BACE1: variants seen among roughly 807,000 people sequenced by gnomAD.
BACE1 encodes the protein APP beta-secretase.
BACE1 carries 21 observed loss-of-function variants against 54.0 expected under a neutral mutation model. The observed-to-expected ratio is 0.39, with a 90% CI of 0.28 to 0.56. The LOEUF (loss-of-function observed/expected upper bound fraction) is 0.56. Among genes scored for constraint, BACE1 ranks in the 20% least tolerant of loss-of-function variants. The pLI, the probability that BACE1 is intolerant of heterozygous loss-of-function variation, is 0.63. For missense variants in BACE1, 511 were observed against 661.2 expected (o/e 0.77, Z 2.49); for synonymous variants, 232 against 260.9 (o/e 0.89, Z 1.07).
chr11:117,315,857 G>T lies in BACE1; in HGVS notation c.-62C>A, dbSNP rs918365873. 19 of 1,366,806 alleles carry T rather than the reference G, an allele frequency of 1.4e-5. No homozygotes were observed. The highest frequency in any genetic ancestry group is 1.6e-5 in the Non-Finnish European group (17 of 1,067,122). 84.7% of individuals were successfully genotyped at this position (1,366,806 alleles called of 1,614,324 possible). A position where few individuals can be genotyped will look rare whatever the true frequency, so the allele number is the denominator to read the frequency against. ...TGGCCCACGTCCGTCCCTGGCGCCT[G>T]CCCCCAAGTCTGGGTGGTGCTGGTG... is the stretch of plus-strand genomic sequence containing the variant. On this transcript the variant is annotated 5_prime_UTR_variant, in exon 1 of 9. Coordinates refer to ENST00000313005, the MANE Select transcript of BACE1 (RefSeq NM_012104.6). This position sits in a 1 kb window ranked among gnomAD's most constrained non-coding sequence, Gnocchi z 5.5.
chr11:117,297,833 A>G (rs2034639261), intron 1 of BACE1, among the ~76,000 whole-genome samples: 1 of 152,254 alleles, frequency 6.6e-6, no homozygotes, highest in Non-Finnish European at 1.5e-5. Context: ...CCTCAGAGAA[A>G]GCCAGGTTGC....
In BACE1 at chr11:117,291,011, C is replaced by T; in HGVS notation, c.981G>A (p.Gln327=). 6.2e-7 allele frequency: 1 copy of T among 1,614,198 alleles called. No individual in the cohort carries two copies. The highest frequency in any genetic ancestry group is 1.1e-5 in the South Asian group (1 of 91,088). The part of the protein sequence containing the change: ...KFPDGFWLGE[Q]LVCWQAGTTP... ...TGGTGCCTGCTTGCCAGCACACCAG[C>T]TGCTCTCCTAGCCAGAAACCATCAG... Residue 327 remains glutamine (Q), a synonymous_variant, in exon 7 of 9, where the codon CAG becomes CAA. Transcript: ENST00000313005.
intron 3 of BACE1, among the ~76,000 whole-genome samples, chr11:117,294,866 CAA>C (rs1210779809): frequency 6.0e-5 from 9 of 150,846 alleles, no homozygotes; most frequent in Admixed American, 5.3e-4. Context: ...GCTTGGGCAA[CAA>C]GAGTGAAACT....
rs377048251 is a variant in BACE1, at chr11:117,289,596, G to A, written c.1476C>T (p.Asp492=). 1.5e-5 allele frequency: 25 copies of A among 1,614,106 alleles called. No homozygotes were observed. The highest frequency in any genetic ancestry group is 2.1e-5 in the Non-Finnish European group (25 of 1,180,050). ...CLRCLRQQHD[D]FADDISLLK ...TCAGCAGGGAGATGTCATCAGCAAA[G>A]TCATCATGCTGCTGGCGCAGGCAGC... The change falls in exon 9 of 9, where the codon GAC becomes GAT. Residue 492 remains aspartate (D), a synonymous_variant. Coordinates refer to ENST00000313005, the MANE Select transcript of BACE1 (RefSeq NM_012104.6).
In BACE1 at chr11:117,288,228, T is replaced by C. The variant is rs977241456; in HGVS notation, c.*1338A>G. 6.6e-5 allele frequency: 10 copies of C among 152,286 alleles called. No homozygotes were observed. The highest frequency in any genetic ancestry group is 2.4e-4 in the African/African-American group (10 of 41,460). The allele number at this position is 152,286 out of a possible 1,614,324, so 9.4% of individuals were successfully genotyped here. On this transcript the variant is annotated 3_prime_UTR_variant, in exon 9 of 9. Coordinates refer to ENST00000313005, the MANE Select transcript of BACE1 (RefSeq NM_012104.6). ...CCATCCTTTCTCCAGGCAGCCTTGA[T>C]ACTGAAGGCAGTAATGTTAGAGCCA...
At chr11:117,304,374 G>T (rs991201330) in intron 1 of BACE1, among the ~76,000 whole-genome samples, 146 of 152,320 alleles carry the variant, frequency 9.6e-4, no homozygotes, top group African/African-American at 3.3e-3. Context: ...AAAATTACAA[G>T]CCAACACACG....
intron 1 of BACE1, among the ~76,000 whole-genome samples, chr11:117,306,793 AGAGT>A: frequency 6.6e-6 from 1 of 152,272 alleles, no homozygotes; most frequent in South Asian, 2.1e-4. Flanking sequence ...CCTGGGCAAC[AGAGT>A]GAGACCCTGT....
chr11:117,306,015 G>A (rs758094499), intron 1 of BACE1, among the ~76,000 whole-genome samples: 2 of 152,032 alleles, frequency 1.3e-5, no homozygotes, highest in African/African-American at 4.8e-5. Flanking sequence ...CAGCCTGGGC[G>A]ACAGAGTGAG....
intron 6 of BACE1, 152 bp downstream of exon 6, chr11:117,291,560 G>A (rs1307953196): frequency 3.6e-6 from 2 of 556,190 alleles, no homozygotes; most frequent in Non-Finnish European, 6.4e-6. Context: ...ACAGGCGTGA[G>A]CCACCACGCC....
intron 5 of BACE1, chr11:117,292,746 G>A (rs1301073351): frequency 1.7e-5 from 4 of 237,444 alleles, no homozygotes; most frequent in East Asian, 2.4e-4. Context: ...TGACTCCAAA[G>A]ACAAGACTCT....
chr11:117,305,519 A>G (rs1047351182), intron 1 of BACE1, among the ~76,000 whole-genome samples: 1 of 151,264 alleles, frequency 6.6e-6, no homozygotes, highest in African/African-American at 2.4e-5. Context: ...CCCTGGCGCC[A>G]CTTACCCCAC....
chr11:117,315,852 C>A lies in BACE1; in HGVS notation c.-57G>T. On this transcript the variant is annotated 5_prime_UTR_variant, in exon 1 of 9. Transcript: ENST00000313005. This position sits in a 1 kb window ranked among gnomAD's most constrained non-coding sequence, Gnocchi z 5.5. The stretch of plus-strand genomic sequence containing the variant: ...CGCACTGGCCCACGTCCGTCCCTGG[C>A]GCCTGCCCCCAAGTCTGGGTGGTGC... 1.5e-6 allele frequency: 2 copies of A among 1,366,092 alleles called. No homozygotes were observed. Among genetic ancestry groups the A allele is most frequent in the Non-Finnish European group, 1.9e-6 (2 of 1,066,814 alleles). The allele number at this position is 1,366,092 out of a possible 1,614,324, so 84.6% of individuals were successfully genotyped here.
intron 1 of BACE1, chr11:117,314,687 A>G (rs1291343989): frequency 1.3e-5 from 2 of 152,538 alleles, no homozygotes; most frequent in Non-Finnish European, 2.9e-5. Context: ...CTGCTCACCC[A>G]CAGAGGTGCA....
intron 1 of BACE1, among the ~76,000 whole-genome samples, chr11:117,298,029 C>T (rs2034642460): frequency 6.6e-6 from 1 of 152,182 alleles, no homozygotes; most frequent in Admixed American, 6.5e-5. Flanking sequence ...GAGGCCAGCA[C>T]AGTGGCTCAC....
chr11:117,312,798 G>T (rs1349078411), intron 1 of BACE1, among the ~76,000 whole-genome samples: 1 of 152,136 alleles, frequency 6.6e-6, no homozygotes, highest in Non-Finnish European at 1.5e-5. Flanking sequence ...CAAACTACGG[G>T]GCCCCACTGT....
At chr11:117,290,462 C>A in intron 8 of BACE1, 26 bp downstream of exon 8, 9 of 1,610,702 alleles carry the variant, frequency 5.6e-6, no homozygotes, top group Non-Finnish European at 7.6e-6. Flanking sequence ...AGACTGACCC[C>A]AAACCCTCAG....
intron 1 of BACE1, among the ~76,000 whole-genome samples, chr11:117,312,753 G>A (rs1447831036): frequency 1.3e-5 from 2 of 152,156 alleles, no homozygotes; most frequent in Non-Finnish European, 2.9e-5. Context: ...GTGAGCCACC[G>A]CGTCCAGCCA....
intron 2 of BACE1, among the ~76,000 whole-genome samples, chr11:117,296,247 C>T (rs2034595976): frequency 6.6e-6 from 1 of 151,958 alleles, no homozygotes; most frequent in Non-Finnish European, 1.5e-5. Flanking sequence ...ACCCCCCTTT[C>T]ACCAGTCCCC....
In BACE1 at chr11:117,293,432, A is replaced by G. The variant is rs1205991366; in HGVS notation, c.706-244T>C. The G allele has an allele frequency of 2.8e-6, 1 of 358,652 alleles. No individual in the cohort carries two copies. Among genetic ancestry groups the G allele is most frequent in the Non-Finnish European group, 4.9e-6 (1 of 203,512 alleles). 22.2% of individuals were successfully genotyped at this position (358,652 alleles called of 1,614,324 possible). On this transcript the variant is annotated intron_variant, in intron 4 of 8. Transcript: ENST00000313005. The surrounding 1 kb of genome is among the most constrained non-coding windows in gnomAD (Gnocchi z 4.1). ...TTCAGAATCATACAGCCCTTGATAT[A>G]AAGTTATTTAAATCTAAACTGCCAC...
Sources: gnomAD v4.1 joint callset for allele counts (sites outside exome capture counted in the v4.1 genomes callset) on GRCh38, gnomAD v4.1.1 for gene constraint, Gnocchi (gnomAD v3.1) non-coding constraint, MANE v1.5 for transcripts, NCBI Gene and HGNC (gene_info 2026-07-23, HGNC 2026-07-21) for gene names.